Variants in COG7 observed in about 807,000 individuals in gnomAD.
The protein encoded by COG7 is conserved oligomeric Golgi complex subunit 7.
COG7 carries 49 observed loss-of-function variants against 91.5 expected under a neutral mutation model. The observed-to-expected ratio is 0.54, with a 90% CI of 0.43 to 0.68. The LOEUF (loss-of-function observed/expected upper bound fraction) is 0.68. Ranked by LOEUF, COG7 falls within the 30% of genes least tolerant of loss-of-function variation. The pLI is 0.00. For synonymous variants in COG7, 365 were observed against 388.7 expected (o/e 0.94, Z 0.72); for missense variants, 895 against 961.3 (o/e 0.93, Z 0.91).
chr16:23,399,157 C>T (rs1963334545), intron 13 of COG7, among the ~76,000 whole-genome samples: 1 of 152,182 alleles, frequency 6.6e-6, no homozygotes. Context: ...CCATGTCCAA[C>T]CCTGGGCTCC....
intron 6 of COG7, among the ~76,000 whole-genome samples, chr16:23,425,387 A>G (rs969324584): frequency 2.0e-5 from 3 of 152,188 alleles, no homozygotes; most frequent in Non-Finnish European, 4.4e-5. Flanking sequence ...GCTGAAGTGC[A>G]GTGGCATAAT....
At chr16:23,405,970 C>A in intron 12 of COG7, 106 bp downstream of exon 12, 1 of 991,112 alleles carries the variant, frequency 1.0e-6, no homozygotes, top group Non-Finnish European at 1.6e-6. Flanking sequence ...GGGTACGTCA[C>A]AGCCCAGGGC....
rs535276497 is a variant in COG7, at chr16:23,388,932, A to G, written c.2301T>C (p.Ser767=). Reference sequence around the variant, plus strand: ...GTGTGTGGTGGGGTCAGTAATTCACACTCCGCATGGTGGCCACGGTGGTGG... The same window carrying G: ...GTGTGTGGTGGGGTCAGTAATTCACGCTCCGCATGGTGGCCACGGTGGTGG... ...RLATTVATMR[S]VNY is the part of the protein sequence containing the mutation. The change falls in exon 17 of 17, where the codon AGT becomes AGC. Residue 767 remains serine, a synonymous_variant. Coordinates refer to ENST00000307149, the MANE Select transcript of COG7 (RefSeq NM_153603.4). The G allele has an allele frequency of 1.2e-6, 2 of 1,611,968 alleles. No homozygotes were observed. The highest frequency in any genetic ancestry group is 2.7e-5 in the African/African-American group (2 of 74,228).
chr16:23,403,731 C>A lies in COG7; in HGVS notation c.1766G>T (p.Arg589Leu). Residue 589 changes from arginine (R) to leucine (L), a missense_variant, in exon 13 of 17, where the codon CGC (arginine) becomes CTC (leucine). By Grantham distance (102) the Arg-to-Leu change is moderately radical (BLOSUM62 -2). Transcript: ENST00000307149. Reference protein sequence around the residue: ...HQLAFDSVFLRIKQQLLLISK... With the variant: ...HQLAFDSVFLLIKQQLLLISK... Reference sequence around the variant, plus strand: ...AATAAGCAACAGCTGTTGTTTGATGCGCAGGAACACGGAATCGAAAGCCAG... The same window carrying A: ...AATAAGCAACAGCTGTTGTTTGATGAGCAGGAACACGGAATCGAAAGCCAG... 1 of 1,614,132 alleles carries A rather than the reference C, an allele frequency of 6.2e-7. No homozygotes were observed. Among genetic ancestry groups the A allele is most frequent in the Non-Finnish European group, 8.5e-7 (1 of 1,180,012 alleles).
chr16:23,424,489 C>T (rs1963811982), intron 7 of COG7, among the ~76,000 whole-genome samples: 1 of 152,124 alleles, frequency 6.6e-6, no homozygotes, highest in South Asian at 2.1e-4. Context: ...TCCCAAGCCC[C>T]ACAGAGGTGT....
At chr16:23,419,176 C>T (rs539696520) in intron 7 of COG7, among the ~76,000 whole-genome samples, 2 of 151,994 alleles carry the variant, frequency 1.3e-5, no homozygotes, top group African/African-American at 2.4e-5. Flanking sequence ...GAGGCCGAGG[C>T]GGGCGGATCA....
chr16:23,392,015 G>C, intron 16 of COG7: 1 of 1,198,272 alleles, frequency 8.3e-7, no homozygotes, highest in Non-Finnish European at 1.1e-6. Context: ...GCTTGGTCCA[G>C]CGCCAGGCAT....
chr16:23,439,813 C>G (rs1183184696), intron 4 of COG7, among the ~76,000 whole-genome samples: 2 of 152,146 alleles, frequency 1.3e-5, no homozygotes, highest in Non-Finnish European at 2.9e-5. Context: ...CTTAATGCCA[C>G]TGAAATGCAC....
chr16:23,416,856 G>A, intron 9 of COG7, 111 bp downstream of exon 9: 1 of 1,244,990 alleles, frequency 8.0e-7, no homozygotes, highest in African/African-American at 1.5e-5. Flanking sequence ...CTTGGGTTCA[G>A]GTGCAAGTGT....
intron 13 of COG7, among the ~76,000 whole-genome samples, chr16:23,398,399 G>T (rs752833329): frequency 2.6e-5 from 4 of 152,250 alleles, no homozygotes; most frequent in Non-Finnish European, 4.4e-5. Context: ...GAACTGTGGG[G>T]TGGGAACTGA....
intron 5 of COG7, 131 bp downstream of exon 5, chr16:23,434,501 GCTAA>G (rs1181476439): frequency 6.9e-6 from 5 of 727,646 alleles, no homozygotes; most frequent in African/African-American, 1.7e-5. Context: ...CCCCCTACTG[GCTAA>G]CTAAGAGAAA....
chr16:23,438,066 A>G (rs952754442), intron 4 of COG7, among the ~76,000 whole-genome samples: 16 of 150,112 alleles, frequency 1.1e-4, no homozygotes, highest in Non-Finnish European at 2.2e-4. Flanking sequence ...GCCTGGAGAC[A>G]GAGCAAGACT....
chr16:23,424,601 G>A lies in COG7; in HGVS notation c.1009+148C>T. On this transcript the variant is annotated intron_variant, in intron 7 of 16. Transcript: ENST00000307149. ...GATGGCAATGTTTTTTCATGGAAAAGCCCTCCACATCTGCTGAGAAGGAAA... is the reference window on the plus strand; with the variant it reads ...GATGGCAATGTTTTTTCATGGAAAAACCCTCCACATCTGCTGAGAAGGAAA... 3.7e-6 allele frequency: 3 copies of A among 807,994 alleles called. No homozygotes were observed. In the South Asian group the frequency reaches 4.8e-5, roughly 13 times the overall value. The allele number at this position is 807,994 out of a possible 1,614,324, so 50.1% of individuals were successfully genotyped here.
rs745609858 is a variant in COG7 at position 23,416,959 on chromosome 16, A to C, written c.1292+8T>G. 4 of 1,614,146 alleles carry C rather than the reference A, an allele frequency of 2.5e-6. No homozygotes were observed. The highest frequency in any genetic ancestry group is 3.4e-6 in the Non-Finnish European group (4 of 1,179,998). On this transcript the variant is annotated splice_region_variant and intron_variant, in intron 9 of 16. Transcript: ENST00000307149. The stretch of plus-strand genomic sequence containing the variant: ...TGGCCCGTCTGGTCCCCAGTTCCCC[A>C]GCCTTACTTGGCAAAGAGGGATTTC...
chr16:23,421,504 CA>C (rs1057198339), intron 7 of COG7, among the ~76,000 whole-genome samples: 6 of 150,928 alleles, frequency 4.0e-5, no homozygotes, highest in African/African-American at 1.5e-4. Flanking sequence ...GTTAAACTCC[CA>C]AACAGAATAA....
intron 1 of COG7, among the ~76,000 whole-genome samples, chr16:23,452,559 CAA>C (rs1964281427): frequency 6.6e-6 from 1 of 151,942 alleles, no homozygotes; most frequent in Admixed American, 6.6e-5. Flanking sequence ...AAAGAAAAAA[CAA>C]AGAGAAAGAA....
intron 6 of COG7, among the ~76,000 whole-genome samples, chr16:23,425,849 T>C (rs1301872908): frequency 3.3e-5 from 5 of 152,174 alleles, no homozygotes; most frequent in Admixed American, 3.3e-4. Flanking sequence ...GCCCCAAGTG[T>C]CTAGTTATTT....
intron 4 of COG7, chr16:23,441,893 A>G (rs1036427499): frequency 1.3e-5 from 2 of 153,764 alleles, no homozygotes; most frequent in African/African-American, 4.8e-5. Flanking sequence ...CCTTTACAGA[A>G]GTATATTTGG....
intron 11 of COG7, 65 bp from the exon 12 acceptor site, chr16:23,406,327 T>C: frequency 2.2e-6 from 3 of 1,339,230 alleles, no homozygotes; most frequent in South Asian, 1.2e-5. Context: ...CTTGGAGCAG[T>C]CAGATTGCTC....
Sources: allele counts gnomAD v4.1 joint callset (sites outside exome capture counted in the v4.1 genomes callset), GRCh38; gene constraint gnomAD v4.1.1; transcripts MANE v1.5; gene names NCBI Gene and HGNC (gene_info 2026-07-23, HGNC 2026-07-21).